Variants in STAG1 observed in about 807,000 individuals in gnomAD.
STAG1 encodes the protein STAG1 cohesin complex component.
Under a neutral mutation model 170.9 loss-of-function variants are expected in STAG1, and 26 were observed. The ratio of observed to expected loss-of-function variants is 0.15; its 90% CI spans 0.11 to 0.21. The LOEUF (loss-of-function observed/expected upper bound fraction) is 0.21, where lower values mean the gene tolerates loss of function less well. Ranked by LOEUF, STAG1 falls within the 10% of genes least tolerant of loss-of-function variation. STAG1 has a pLI of 1.00. For synonymous variants in STAG1, 514 were observed against 497.7 expected, an observed-to-expected ratio of 1.03 and a Z score of -0.44; for missense variants, 964 against 1,509.5, an observed-to-expected ratio of 0.64 and a Z score of 5.99.
chr3:136,528,482 A>T, intron 6 of STAG1, among the ~76,000 whole-genome samples: 1 of 118,796 alleles, frequency 8.4e-6, no homozygotes, highest in African/African-American at 3.2e-5. Flanking sequence ...CCCCAGCAAC[A>T]GATGTCCCCG....
chr3:136,506,448 T>C (rs1275299256), intron 7 of STAG1, among the ~76,000 whole-genome samples: 5 of 131,616 alleles, frequency 3.8e-5, no homozygotes, highest in East Asian at 2.1e-4. Context: ...CTGGCCAACA[T>C]GGTGAAACCC....
At chr3:136,348,895 G>A in intron 29 of STAG1, 1 of 470,516 alleles carries the variant, frequency 2.1e-6, no homozygotes, top group Middle Eastern at 6.0e-4. Flanking sequence ...TATAGTATGG[G>A]GATTGATTTT....
chr3:136,608,823 C>G (rs549712518), intron 3 of STAG1, among the ~76,000 whole-genome samples: 1 of 138,718 alleles, frequency 7.2e-6, no homozygotes, highest in East Asian at 2.2e-4. Flanking sequence ...AAAAAAAGAA[C>G]TAGACACTAT....
At chr3:136,696,208 G>A (rs1161316519) in intron 1 of STAG1, among the ~76,000 whole-genome samples, 2 of 152,174 alleles carry the variant, frequency 1.3e-5, no homozygotes, top group Non-Finnish European at 2.9e-5. Context: ...TTGCCTTAGA[G>A]TCAAGGCAGG....
intron 5 of STAG1, among the ~76,000 whole-genome samples, chr3:136,550,175 T>C (rs1936324689): frequency 6.6e-6 from 1 of 152,170 alleles, no homozygotes. Context: ...TGTTCCATCC[T>C]CATCGATTAT....
Position 136,502,788 on chromosome 3 carries a change from T to A in STAG1, c.677-9A>T. 6.4e-7 allele frequency: 1 copy of A among 1,572,644 alleles called. No individual in the cohort carries two copies. Among genetic ancestry groups the A allele is most frequent in the Admixed American group, 1.9e-5 (1 of 52,284 alleles). On this transcript the variant is annotated splice_polypyrimidine_tract_variant and intron_variant, in intron 7 of 33. Transcript: ENST00000383202. ...AGTCATGAGCTTCATGGCTATGAAA[T>A]GAAGAAATATTATAATACCTATGAA...
intron 13 of STAG1, among the ~76,000 whole-genome samples, chr3:136,454,665 CCA>C (rs1314674018): frequency 2.6e-5 from 4 of 152,332 alleles, no homozygotes; most frequent in Admixed American, 1.3e-4. Flanking sequence ...TGGGGATGAG[CCA>C]CCATGCCCAG....
chr3:136,500,478 T>C (rs1045343526), intron 8 of STAG1, among the ~76,000 whole-genome samples, 182 bp from the exon 9 acceptor site: 2 of 152,184 alleles, frequency 1.3e-5, no homozygotes, highest in African/African-American at 2.4e-5. Flanking sequence ...TTATATCATA[T>C]TGGTTTTAGA....
intron 1 of STAG1, among the ~76,000 whole-genome samples, chr3:136,717,668 AAATT>A (rs774263736): frequency 4.6e-5 from 7 of 152,212 alleles, no homozygotes; most frequent in Non-Finnish European, 8.8e-5. Flanking sequence ...CTGTCTCAAT[AAATT>A]AATTAATACG....
intron 29 of STAG1, among the ~76,000 whole-genome samples, chr3:136,344,771 G>A (rs1218371518): frequency 1.3e-5 from 2 of 151,734 alleles, no homozygotes; most frequent in African/African-American, 4.8e-5. Flanking sequence ...CCGCCACCAC[G>A]CCCAGCTCAT....
At chr3:136,553,140 C>T (rs1352978727) in intron 5 of STAG1, among the ~76,000 whole-genome samples, 1 of 151,868 alleles carries the variant, frequency 6.6e-6, no homozygotes, top group Non-Finnish European at 1.5e-5. Context: ...TTCCATGGAC[C>T]AAGTAGTTAT....
Position 136,472,399 on chromosome 3 carries a change from T to C in STAG1, c.1205+14A>G, listed in dbSNP as rs1289631986. The stretch of plus-strand genomic sequence containing the variant: ...AATATCAATAAAGTTAAAATAGTAA[T>C]GGATATTACTTACTGAAGTATCAGA... On this transcript the variant is annotated intron_variant, in intron 12 of 33. Coordinates refer to ENST00000383202, the MANE Select transcript of STAG1 (RefSeq NM_005862.3). 6 of 1,583,216 alleles carry C rather than the reference T, an allele frequency of 3.8e-6. No homozygotes were observed. The highest frequency in any genetic ancestry group is 3.5e-6 in the Non-Finnish European group (4 of 1,156,058).
intron 3 of STAG1, among the ~76,000 whole-genome samples, chr3:136,605,409 C>T (rs555673554): frequency 5.3e-5 from 8 of 152,234 alleles, no homozygotes; most frequent in Admixed American, 4.6e-4. Flanking sequence ...TTCATTCATA[C>T]ATTCATTCAT....
At chr3:136,606,096 A>G (rs1423490093) in intron 3 of STAG1, among the ~76,000 whole-genome samples, 2 of 152,196 alleles carry the variant, frequency 1.3e-5, no homozygotes, top group Non-Finnish European at 2.9e-5. Flanking sequence ...CTAAATACAT[A>G]TAGTTACTCC....
chr3:136,369,042 C>A (rs776648134), intron 24 of STAG1, 66 bp downstream of exon 24: 112 of 1,352,546 alleles, frequency 8.3e-5, no homozygotes, highest in Non-Finnish European at 1.1e-4. Flanking sequence ...GAATTTGTTT[C>A]TTTTCTCCTA....
intron 31 of STAG1, among the ~76,000 whole-genome samples, chr3:136,340,970 G>A (rs373192785): frequency 3.7e-4 from 57 of 152,180 alleles, no homozygotes; most frequent in African/African-American, 1.0e-3. Context: ...GTGCAGTGGC[G>A]TGATCTTGAC....
At chr3:136,724,059 G>C (rs1933506500) in intron 1 of STAG1, among the ~76,000 whole-genome samples, 1 of 151,818 alleles carries the variant, frequency 6.6e-6, no homozygotes, top group Admixed American at 6.6e-5. Flanking sequence ...CTACTGGGAA[G>C]TGAGGAGCCC....
rs377652461 is a variant in STAG1, at chr3:136,384,513, A to C, written c.2278-6761T>G. 6.1e-4 allele frequency among the ~76,000 whole-genome samples: 93 copies of C among 152,050 alleles called. 1 individual carries two copies. In the South Asian group the frequency reaches 0.012, roughly 20 times the overall value. On this transcript the variant is annotated intron_variant, in intron 22 of 33. Transcript: ENST00000383202. Reference sequence around the variant, plus strand: ...GCCAGTCGTGGTGGCTCACACCTGTAATCTTAGCACTTTGGGAGGCCAAGG... The same window carrying C: ...GCCAGTCGTGGTGGCTCACACCTGTCATCTTAGCACTTTGGGAGGCCAAGG...
chr3:136,712,463 C>T (rs1384739348), intron 1 of STAG1, among the ~76,000 whole-genome samples: 5 of 152,054 alleles, frequency 3.3e-5, no homozygotes, highest in Admixed American at 6.6e-5. Flanking sequence ...TCAAAATATG[C>T]ATTAATTAAA....
Sources: gnomAD v4.1 joint callset for allele counts (sites outside exome capture counted in the v4.1 genomes callset) on GRCh38, gnomAD v4.1.1 for gene constraint, MANE v1.5 for transcripts, NCBI Gene and HGNC (gene_info 2026-07-23, HGNC 2026-07-21) for gene names.